Variants in CSNK1G1 observed in about 807,000 individuals in gnomAD.
The protein encoded by CSNK1G1 is casein kinase I isoform gamma-1.
Under a neutral mutation model 59.6 loss-of-function variants are expected in CSNK1G1, and 22 were observed. The ratio of observed to expected loss-of-function variants is 0.37; its 90% CI spans 0.26 to 0.53. The LOEUF (loss-of-function observed/expected upper bound fraction) is 0.53, where lower values mean the gene tolerates loss of function less well. CSNK1G1 is among the 20% of genes least tolerant of loss of function. The pLI is 0.89. For synonymous variants in CSNK1G1, 179 were observed against 177.1 expected (o/e 1.01, Z -0.08); for missense variants, 384 against 519.5 (o/e 0.74, Z 2.54).
intron 11 of CSNK1G1, 106 bp downstream of exon 11, chr15:64,180,242 T>A (rs989976282): frequency 4.9e-6 from 4 of 817,068 alleles, no homozygotes; most frequent in African/African-American, 3.4e-5. Context: ...AAGCTGTGGT[T>A]ACAAGCATGA....
chr15:64,352,145 A>C (rs116960997), intron 1 of CSNK1G1, among the ~76,000 whole-genome samples: 4,074 of 152,090 alleles, frequency 0.027, 68 homozygotes, highest in Admixed American at 0.042. Flanking sequence ...GTTTCTACTA[A>C]AAATACAAAA....
At chr15:64,249,161 G>C (rs1324834825) in intron 4 of CSNK1G1, among the ~76,000 whole-genome samples, 1 of 151,982 alleles carries the variant, frequency 6.6e-6, no homozygotes, top group Non-Finnish European at 1.5e-5. Flanking sequence ...TGGCAAACTT[G>C]GGCCTAATAT....
chr15:64,346,512 C>T (rs1297782192), intron 1 of CSNK1G1, among the ~76,000 whole-genome samples: 1 of 151,658 alleles, frequency 6.6e-6, no homozygotes. Flanking sequence ...GACAGGAGTA[C>T]AATGGTGCGA....
intron 2 of CSNK1G1, among the ~76,000 whole-genome samples, chr15:64,295,492 C>T (rs1296579614): frequency 6.6e-6 from 1 of 152,210 alleles, no homozygotes; most frequent in Non-Finnish European, 1.5e-5. Context: ...CTCTCTCCAT[C>T]TCACTTCCAT....
intron 1 of CSNK1G1, among the ~76,000 whole-genome samples, chr15:64,325,630 T>G (rs1310370570): frequency 6.6e-6 from 1 of 152,196 alleles, no homozygotes; most frequent in African/African-American, 2.4e-5. Context: ...CTTTAACTAT[T>G]ATAACTTTAG....
At chr15:64,238,518 A>AAAAAAAAAT (rs1555396879) in intron 4 of CSNK1G1, among the ~76,000 whole-genome samples, 2 of 49,248 alleles carry the variant, frequency 4.1e-5, no homozygotes, top group East Asian at 1.4e-3. Context: ...AAAAAAAAAA[A>AAAAAAAAAT]ATATATATAT....
At chr15:64,349,054 C>T (rs1898132573) in intron 1 of CSNK1G1, among the ~76,000 whole-genome samples, 1 of 150,628 alleles carries the variant, frequency 6.6e-6, no homozygotes, top group Non-Finnish European at 1.5e-5. Context: ...AGAGAATTGC[C>T]TGAACCCGGA....
intron 4 of CSNK1G1, among the ~76,000 whole-genome samples, chr15:64,231,618 G>A (rs1336287146): frequency 6.6e-6 from 1 of 151,462 alleles, no homozygotes; most frequent in South Asian, 2.1e-4. Flanking sequence ...TTTATTTTTT[G>A]TACTTGGAAA....
chr15:64,197,352 G>T (rs1005180502), intron 10 of CSNK1G1, among the ~76,000 whole-genome samples: 1 of 152,190 alleles, frequency 6.6e-6, no homozygotes, highest in African/African-American at 2.4e-5. Context: ...TGTCTCTGGA[G>T]AACCATCCTC....
intron 3 of CSNK1G1, among the ~76,000 whole-genome samples, chr15:64,254,882 G>A (rs544700323): frequency 3.9e-5 from 6 of 152,172 alleles, no homozygotes; most frequent in Non-Finnish European, 7.3e-5. Context: ...CCAATGTCAT[G>A]AAGCTTTTCC....
chr15:64,298,667 G>T (rs1218519823), intron 2 of CSNK1G1, among the ~76,000 whole-genome samples: 2 of 152,142 alleles, frequency 1.3e-5, no homozygotes, highest in Non-Finnish European at 2.9e-5. Flanking sequence ...GTATAGTGAT[G>T]TTTCTCCAAG....
At chr15:64,338,698 C>A (rs1897517604) in intron 1 of CSNK1G1, among the ~76,000 whole-genome samples, 1 of 31,138 alleles carries the variant, frequency 3.2e-5, no homozygotes, top group African/African-American at 1.4e-4. Context: ...GAAACTCGGT[C>A]TCAAAAAAAA....
chr15:64,264,331 G>A (rs1397790750), intron 2 of CSNK1G1, among the ~76,000 whole-genome samples: 1 of 152,096 alleles, frequency 6.6e-6, no homozygotes, highest in Non-Finnish European at 1.5e-5. Flanking sequence ...TGAGTCAGAA[G>A]AAATAGAAAA....
intron 4 of CSNK1G1, among the ~76,000 whole-genome samples, chr15:64,231,707 C>T (rs1260840837): frequency 6.6e-6 from 1 of 152,066 alleles, no homozygotes; most frequent in African/African-American, 2.4e-5. Context: ...ACATGCCACT[C>T]TCTCTATAAA....
intron 1 of CSNK1G1, chr15:64,335,950 C>T (rs755952575): frequency 6.6e-6 from 1 of 152,136 alleles, no homozygotes; most frequent in African/African-American, 2.4e-5. Context: ...TGTCACTATA[C>T]CCCCAGTACC....
At chr15:64,351,772 G>A (rs899806138) in intron 1 of CSNK1G1, among the ~76,000 whole-genome samples, 11 of 152,070 alleles carry the variant, frequency 7.2e-5, no homozygotes, top group African/African-American at 1.9e-4. Context: ...CCAGCTAATC[G>A]GGAGACTGAG....
At chr15:64,308,441 A>AAGT (rs1566942094) in intron 1 of CSNK1G1, among the ~76,000 whole-genome samples, 2 of 151,580 alleles carry the variant, frequency 1.3e-5, no homozygotes, top group South Asian at 2.1e-4. Context: ...GTTCATTATT[A>AAGT]AAGGGAGCCA....
intron 4 of CSNK1G1, among the ~76,000 whole-genome samples, chr15:64,222,437 C>CAAAAAAAAAA (rs1170075981): frequency 4.3e-5 from 3 of 68,986 alleles, no homozygotes; most frequent in East Asian, 3.8e-4. Context: ...ACAACACCAC[C>CAAAAAAAAAA]AAAAAAAAAA....
chr15:64,345,671 C>A (rs1015478220), intron 1 of CSNK1G1, among the ~76,000 whole-genome samples: 2 of 152,114 alleles, frequency 1.3e-5, no homozygotes, highest in Non-Finnish European at 2.9e-5. Context: ...ACACTCTGAA[C>A]AATGCTTCTA....
Sources: gnomAD v4.1 joint callset for allele counts (sites outside exome capture counted in the v4.1 genomes callset) on GRCh38, gnomAD v4.1.1 for gene constraint, MANE v1.5 for transcripts, NCBI Gene and HGNC (gene_info 2026-07-23, HGNC 2026-07-21) for gene names.